The following VPS45 variants were observed in gnomAD, a reference collection of about 807,000 sequenced individuals.
VPS45 encodes the protein vacuolar protein sorting 45 homolog.
Under a neutral mutation model 75.9 loss-of-function variants are expected in VPS45, and 35 were observed. The ratio of observed to expected loss-of-function variants is 0.46; its 90% CI spans 0.35 to 0.61. The LOEUF (loss-of-function observed/expected upper bound fraction) is 0.61, where lower values mean the gene tolerates loss of function less well. Among genes scored for constraint, VPS45 ranks in the 20% least tolerant of loss-of-function variants. The pLI, the probability that VPS45 is intolerant of heterozygous loss-of-function variation, is 0.00. For missense variants in VPS45, 559 were observed against 685.9 expected (o/e 0.81, Z 2.07); for synonymous variants, 220 against 238.2 (o/e 0.92, Z 0.70).
At chr1:150,108,448 A>G in intron 13 of VPS45, among the ~76,000 whole-genome samples, 1 of 152,222 alleles carries the variant, frequency 6.6e-6, no homozygotes, top group East Asian at 1.9e-4. Flanking sequence ...AATAACCATA[A>G]GTGACAAGTG....
chr1:150,117,887 T>C (rs1329610589), intron 14 of VPS45, among the ~76,000 whole-genome samples: 2 of 151,334 alleles, frequency 1.3e-5, no homozygotes, highest in African/African-American at 4.9e-5. Flanking sequence ...TGGATTTAGA[T>C]AGAAAGATAG....
chr1:150,090,028 C>T (rs1310305539), intron 10 of VPS45, among the ~76,000 whole-genome samples: 1 of 152,142 alleles, frequency 6.6e-6, no homozygotes, highest in Non-Finnish European at 1.5e-5. Flanking sequence ...TCAGTGTGAA[C>T]AGAAGAGCTC....
chr1:150,116,058 G>A (rs1260955080), intron 14 of VPS45, among the ~76,000 whole-genome samples: 1 of 152,128 alleles, frequency 6.6e-6, no homozygotes, highest in African/African-American at 2.4e-5. Context: ...GCATTTGTAT[G>A]TGTTTTATTA....
chr1:150,110,582 G>T lies in VPS45; in HGVS notation c.1580G>T (p.Gly527Val). ...TVYNLNRTTP[G>V]VRIVLGGTTV... ...TATAACCTGAACCGCACCACTCCTGGAGTGAGGATTGTCCTGGGAGGCACC... is the reference window on the plus strand; with the variant it reads ...TATAACCTGAACCGCACCACTCCTGTAGTGAGGATTGTCCTGGGAGGCACC... Residue 527 changes from glycine (G) to valine (V), a missense_variant, in exon 14 of 15, where the codon GGA becomes GTA. Physicochemically the swap from Gly to Val is moderately radical, Grantham distance 109. Transcript: ENST00000644510. The T allele has an allele frequency of 6.2e-7, 1 of 1,613,792 alleles. No individual in the cohort carries two copies. Among genetic ancestry groups the T allele is most frequent in the Non-Finnish European group, 8.5e-7 (1 of 1,179,808 alleles).
intron 3 of VPS45, among the ~76,000 whole-genome samples, 192 bp from the exon 4 acceptor site, chr1:150,076,041 C>T (rs147056409): frequency 1.4e-5 from 2 of 147,368 alleles, no homozygotes; most frequent in South Asian, 4.2e-4. Flanking sequence ...TGTGAGCCAC[C>T]GCGCCTGGCC....
At chr1:150,121,016 C>T (rs1193830331) in intron 14 of VPS45, among the ~76,000 whole-genome samples, 1 of 151,764 alleles carries the variant, frequency 6.6e-6, no homozygotes, top group Non-Finnish European at 1.5e-5. Flanking sequence ...TACAGGTGCC[C>T]GCCACCGCGC....
intron 14 of VPS45, among the ~76,000 whole-genome samples, chr1:150,111,179 A>T (rs1272796042): frequency 2.0e-5 from 3 of 152,322 alleles, no homozygotes; most frequent in Non-Finnish European, 2.9e-5. Flanking sequence ...GTGCCCAGAG[A>T]GGCAGATAAA....
intron 3 of VPS45, 76 bp downstream of exon 3, chr1:150,072,302 T>A: frequency 2.1e-6 from 2 of 970,688 alleles, no homozygotes; most frequent in Non-Finnish European, 3.1e-6. Context: ...CTTCATATCA[T>A]CAATAACTTC....
rs1313052333 is a variant in VPS45, at chr1:150,076,077, T to TATATATATATATATATATATATAA, written c.290-149_290-148insTATATATATATATATAAATATATA. On this transcript the variant is annotated intron_variant, in intron 3 of 14. Transcript: ENST00000644510. ...AGTCCTTTTAAAATATATATATATA[T>TATATATATATATATATATATATAA]ATATATAAAATTATGAATTTGTGGA... is the stretch of plus-strand genomic sequence containing the variant. 1.8e-3 allele frequency among the ~76,000 whole-genome samples: 268 copies of TATATATATATATATATATATATAA among 148,742 alleles called. 1 individual carries two copies. The highest frequency in any genetic ancestry group is 6.1e-3 in the African/African-American group (245 of 40,082).
intron 13 of VPS45, among the ~76,000 whole-genome samples, chr1:150,097,709 G>T (rs1321577313): frequency 4.0e-5 from 6 of 151,644 alleles, no homozygotes; most frequent in African/African-American, 1.2e-4. Context: ...ATAGAGCAAG[G>T]CTCCGTCTCA....
chr1:150,077,539 T>A (rs1655461654), intron 6 of VPS45, 130 bp from the exon 7 acceptor site: 1 of 722,028 alleles, frequency 1.4e-6, no homozygotes. Context: ...GACTTTTGAA[T>A]CCTTCATATG....
Position 150,108,597 on chromosome 1 carries a change from G to A in VPS45, c.1494-1899G>A, listed in dbSNP as rs148285923. On this transcript the variant is annotated intron_variant, in intron 13 of 14. Transcript: ENST00000644510. ...GACCATAAAAGGATACTGAAAAGTA[G>A]CAAGGGAAAAAATCAAATATGAAAT... 3.7e-3 allele frequency among the ~76,000 whole-genome samples: 566 copies of A among 152,208 alleles called. 5 individuals are homozygous for A. The highest frequency in any genetic ancestry group is 0.01 in the Middle Eastern group (3 of 294).
intron 7 of VPS45, 27 bp from the exon 8 acceptor site, chr1:150,081,315 C>CTT: frequency 2.0e-6 from 3 of 1,534,938 alleles, no homozygotes; most frequent in Admixed American, 4.4e-5. Flanking sequence ...TGTCAGTTAC[C>CTT]TTTTTTTTTC....
At chr1:150,102,235 C>CAAAAA (rs1208831311) in intron 13 of VPS45, among the ~76,000 whole-genome samples, 31 of 94,572 alleles carry the variant, frequency 3.3e-4, no homozygotes, top group African/African-American at 5.1e-4. Context: ...GAGACTCCGT[C>CAAAAA]AAAAAAAAAA....
In VPS45 at chr1:150,145,247, A is replaced by G. The variant is rs1001061829; in HGVS notation, c.*451A>G. 1.0e-5 allele frequency: 2 copies of G among 198,460 alleles called. No individual in the cohort carries two copies. The highest frequency in any genetic ancestry group is 2.0e-5 in the Non-Finnish European group (2 of 97,716). 12.3% of individuals were successfully genotyped at this position (198,460 alleles called of 1,614,324 possible). A position where few individuals can be genotyped will look rare whatever the true frequency, so the allele number is the denominator to read the frequency against. On this transcript the variant is annotated 3_prime_UTR_variant, in exon 15 of 15. Coordinates refer to ENST00000644510, the MANE Select transcript of VPS45 (RefSeq NM_007259.5). ...TGTTTCTTTACAGAGCCATCCAAAAATTTTTTGTCCCTACATAGCAATTTT... is the reference window on the plus strand; with the variant it reads ...TGTTTCTTTACAGAGCCATCCAAAAGTTTTTTGTCCCTACATAGCAATTTT...
At chr1:150,068,186 T>C (rs1258868213) in intron 1 of VPS45, 1 of 501,692 alleles carries the variant, frequency 2.0e-6, no homozygotes. Flanking sequence ...CAGAAATCCT[T>C]TTCTAAATGT....
At chr1:150,140,386 G>GGTGTGTGTGTGTGTGTGTGTGT (rs574312693) in intron 14 of VPS45, among the ~76,000 whole-genome samples, 3 of 140,346 alleles carry the variant, frequency 2.1e-5, no homozygotes, top group African/African-American at 5.4e-5. Context: ...CATCACTTCT[G>GGTGTGTGTGTGTGTGTGTGTGT]GTGTGTGTGT....
chr1:150,129,456 T>G (rs1007717034), intron 14 of VPS45, among the ~76,000 whole-genome samples: 1 of 152,154 alleles, frequency 6.6e-6, no homozygotes, highest in Non-Finnish European at 1.5e-5. Flanking sequence ...GAAAAAAAAT[T>G]TAATACAGCT....
intron 10 of VPS45, among the ~76,000 whole-genome samples, chr1:150,089,066 A>G (rs879981914): frequency 6.6e-6 from 1 of 152,216 alleles, no homozygotes; most frequent in Non-Finnish European, 1.5e-5. Flanking sequence ...GTCATCATCA[A>G]CAACACTTAC....
Sources: allele counts gnomAD v4.1 joint callset (sites outside exome capture counted in the v4.1 genomes callset), GRCh38; gene constraint gnomAD v4.1.1; transcripts MANE v1.5; gene names NCBI Gene and HGNC (gene_info 2026-07-23, HGNC 2026-07-21).